Variants in TC2N observed in about 807,000 individuals in gnomAD.
TC2N encodes the protein tandem C2 domains nuclear protein.
In TC2N, 51 loss-of-function variants were observed where a neutral mutation model predicts 61.9. The observed-to-expected ratio is 0.82, with a 90% CI of 0.66 to 1.04. The LOEUF is 1.04. Ranked by LOEUF, TC2N falls within the 50% of genes least tolerant of loss-of-function variation. TC2N has a pLI of 0.00. For missense variants in TC2N, 556 were observed against 566.7 expected (o/e 0.98, Z 0.19); for synonymous variants, 204 against 192.6 (o/e 1.06, Z -0.49).
At chr14:91,832,231 A>C (rs1026000840) in intron 1 of TC2N, among the ~76,000 whole-genome samples, 30 of 152,238 alleles carry the variant, frequency 2.0e-4, no homozygotes, top group African/African-American at 7.2e-4. Context: ...TCTACTAAAA[A>C]TACAAAAAAT....
chr14:91,791,909 G>A (rs1803335743), intron 9 of TC2N, among the ~76,000 whole-genome samples: 1 of 152,108 alleles, frequency 6.6e-6, no homozygotes, highest in Non-Finnish European at 1.5e-5. Context: ...GAGGTCAGGA[G>A]ATCGAGACCA....
chr14:91,798,436 T>G (rs1886031793), intron 6 of TC2N, 37 bp from the exon 7 acceptor site: 1 of 1,144,690 alleles, frequency 8.7e-7, no homozygotes, highest in Non-Finnish European at 1.3e-6. Context: ...TCAAATGCCA[T>G]GCAATCCTTC....
intron 1 of TC2N, among the ~76,000 whole-genome samples, chr14:91,865,531 G>A (rs1404278980): frequency 6.6e-6 from 1 of 151,924 alleles, no homozygotes; most frequent in African/African-American, 2.4e-5. Context: ...ATAAGCATTG[G>A]CCAATTCCAA....
Position 91,843,494 on chromosome 14 carries a change from TTA to T in TC2N, c.-57+23766_-57+23767del, listed in dbSNP as rs1240180983. ...GTTAGATATAAAATCTAAATATTTTTTAATAACAGAGATGAGAAAGATTTAAC... is the reference window on the plus strand; with the variant it reads ...GTTAGATATAAAATCTAAATATTTTTATAACAGAGATGAGAAAGATTTAAC... On this transcript the variant is annotated intron_variant, in intron 1 of 11. Coordinates refer to ENST00000435962, the MANE Select transcript of TC2N (RefSeq NM_001128596.3). Among the ~76,000 whole-genome samples, 3 of 152,326 alleles carry T rather than the reference TTA, an allele frequency of 2.0e-5. No individual in the cohort carries two copies. The East Asian group carries it at 5.8e-4, about 29-fold the overall frequency.
chr14:91,865,587 A>G (rs1222906831), intron 1 of TC2N, among the ~76,000 whole-genome samples: 2 of 152,164 alleles, frequency 1.3e-5, no homozygotes, highest in Non-Finnish European at 2.9e-5. Context: ...TTTCAGATAA[A>G]AAAATATTGC....
At chr14:91,807,412 C>T (rs949382915) in intron 3 of TC2N, among the ~76,000 whole-genome samples, 3 of 152,234 alleles carry the variant, frequency 2.0e-5, no homozygotes, top group East Asian at 1.9e-4. Flanking sequence ...GGAAGCTGTA[C>T]CTTGCAAAGC....
rs1887838572 is a variant in TC2N at position 91,832,772 on chromosome 14, T to C, written c.-56-18947A>G. Among the ~76,000 whole-genome samples, 3 of 150,608 alleles carry C rather than the reference T, an allele frequency of 2.0e-5. No individual in the cohort carries two copies. The South Asian group carries it at 6.3e-4, about 32-fold the overall frequency. On this transcript the variant is annotated intron_variant, in intron 1 of 11. Coordinates refer to ENST00000435962, the MANE Select transcript of TC2N (RefSeq NM_001128596.3). ...AGGGTCACTTAAAAACAGATTTTAA[T>C]GGAAAAAAGTAAAAATTAAATTTAA...
intron 1 of TC2N, among the ~76,000 whole-genome samples, chr14:91,853,103 A>C (rs559528169): frequency 9.2e-5 from 14 of 152,264 alleles, no homozygotes; most frequent in African/African-American, 3.1e-4. Context: ...AACGACAACA[A>C]AAACACAACA....
In TC2N at chr14:91,855,328, A is replaced by G. The variant is rs551359722; in HGVS notation, c.-57+11934T>C. Reference sequence around the variant, plus strand: ...GACGTTTATTCTCTCACAGTTCTGGAGGCCAGAAGTCCAAAATCAAGGAGT... The same window carrying G: ...GACGTTTATTCTCTCACAGTTCTGGGGGCCAGAAGTCCAAAATCAAGGAGT... On this transcript the variant is annotated intron_variant, in intron 1 of 11. Coordinates refer to ENST00000435962, the MANE Select transcript of TC2N (RefSeq NM_001128596.3). Among the ~76,000 whole-genome samples, 13 of 152,324 alleles carry G rather than the reference A, an allele frequency of 8.5e-5. No homozygotes were observed. The South Asian group carries it at 2.3e-3, about 27-fold the overall frequency.
chr14:91,859,507 A>C (rs1359329640), intron 1 of TC2N, among the ~76,000 whole-genome samples: 4 of 151,822 alleles, frequency 2.6e-5, no homozygotes, highest in Non-Finnish European at 5.9e-5. Flanking sequence ...ATCACATTCT[A>C]CTCAACCTAT....
chr14:91,784,711 C>T (rs1259859631), intron 11 of TC2N, among the ~76,000 whole-genome samples: 1 of 152,064 alleles, frequency 6.6e-6, no homozygotes, highest in Non-Finnish European at 1.5e-5. Flanking sequence ...AATAATATCA[C>T]AACCACTGTT....
In TC2N at chr14:91,790,575, T is replaced by C. The variant is rs958360964; in HGVS notation, c.1047+1792A>G. On this transcript the variant is annotated intron_variant, in intron 9 of 11. Coordinates refer to ENST00000435962, the MANE Select transcript of TC2N (RefSeq NM_001128596.3). ...AAAATCTCTGATACATGAAATATGA[T>C]TTAGTAGAAATTTAGCCATAATTAT... is the stretch of plus-strand genomic sequence containing the variant. Among the ~76,000 whole-genome samples the C allele has an allele frequency of 1.6e-4, 25 of 152,180 alleles. 1 individual carries two copies. Among genetic ancestry groups the C allele is most frequent in the South Asian group, 2.1e-4 (1 of 4,818 alleles).
chr14:91,807,058 G>A (rs1178236106), intron 3 of TC2N, among the ~76,000 whole-genome samples: 2 of 152,200 alleles, frequency 1.3e-5, no homozygotes, highest in East Asian at 3.9e-4. Context: ...CCCAAGTCTT[G>A]GCAGCTTCCA....
chr14:91,831,085 A>G (rs534698716), intron 1 of TC2N, among the ~76,000 whole-genome samples: 2 of 152,322 alleles, frequency 1.3e-5, no homozygotes, highest in South Asian at 4.1e-4. Context: ...GTAAGACTTA[A>G]AGGCTCCTTT....
intron 1 of TC2N, among the ~76,000 whole-genome samples, chr14:91,833,893 C>T (rs186454413): frequency 6.6e-6 from 1 of 152,200 alleles, no homozygotes; most frequent in African/African-American, 2.4e-5. Context: ...GGAAAATACT[C>T]ATAAAATGAT....
chr14:91,853,157 A>T (rs1334020097), intron 1 of TC2N, among the ~76,000 whole-genome samples: 1 of 152,234 alleles, frequency 6.6e-6, no homozygotes, highest in Non-Finnish European at 1.5e-5. Flanking sequence ...TAGGCTGAGA[A>T]GCCATTGGAG....
chr14:91,801,464 G>C (rs1886245333), intron 4 of TC2N, among the ~76,000 whole-genome samples: 1 of 152,102 alleles, frequency 6.6e-6, no homozygotes, highest in Non-Finnish European at 1.5e-5. Flanking sequence ...GCCTAACCTG[G>C]GCAACATGGC....
At chr14:91,821,512 T>C (rs1016214949) in intron 1 of TC2N, among the ~76,000 whole-genome samples, 2 of 151,952 alleles carry the variant, frequency 1.3e-5, no homozygotes, top group African/African-American at 2.4e-5. Flanking sequence ...AAACTGATTA[T>C]GCACCTATAT....
At chr14:91,786,282 C>T (rs961105950) in intron 10 of TC2N, among the ~76,000 whole-genome samples, 2 of 150,686 alleles carry the variant, frequency 1.3e-5, no homozygotes, top group South Asian at 2.1e-4. Context: ...TTTATTTGCT[C>T]ATTTTTCTTT....
Sources: allele counts gnomAD v4.1 joint callset (sites outside exome capture counted in the v4.1 genomes callset), GRCh38; gene constraint gnomAD v4.1.1; transcripts MANE v1.5; gene names NCBI Gene and HGNC (gene_info 2026-07-23, HGNC 2026-07-21).